Variants in ASTN2 observed in about 807,000 individuals in gnomAD.
ASTN2 encodes the protein astrotactin-2.
Under a neutral mutation model 139.8 loss-of-function variants are expected in ASTN2, and 54 were observed. The ratio of observed to expected loss-of-function variants is 0.39; its 90% CI spans 0.31 to 0.48. The LOEUF is 0.48. Ranked by LOEUF, ASTN2 falls within the 20% of genes least tolerant of loss-of-function variation. The probability of loss-of-function intolerance (pLI) is 0.95; values close to 1 mark genes in which losing one functional copy is unlikely to be tolerated. For synonymous variants in ASTN2, 756 were observed against 719.5 expected (o/e 1.05, Z -0.81); for missense variants, 1,565 against 1,725.1 (o/e 0.91, Z 1.64).
rs139597060 is a variant in ASTN2 at position 116,898,332 on chromosome 9, C to T, written c.1890-34599G>A. 4.4e-3 allele frequency among the ~76,000 whole-genome samples: 657 copies of T among 150,636 alleles called. 17 individuals carry two copies. Among genetic ancestry groups the T allele is most frequent in the Admixed American group, 0.04 (601 of 15,054 alleles). ...GCTAAGATGGGAGGATCACTTTAGCCTTGGAGGTCAACAGCTGCAGTGAGC... is the reference window on the plus strand; with the variant it reads ...GCTAAGATGGGAGGATCACTTTAGCTTTGGAGGTCAACAGCTGCAGTGAGC... On this transcript the variant is annotated intron_variant, in intron 10 of 22. Transcript: ENST00000313400.
intron 10 of ASTN2, among the ~76,000 whole-genome samples, chr9:116,908,693 A>T (rs1015885135): frequency 6.6e-6 from 1 of 152,150 alleles, no homozygotes; most frequent in Non-Finnish European, 1.5e-5. Flanking sequence ...CACATTTGAC[A>T]CTTCCTTTTC....
intron 5 of ASTN2, among the ~76,000 whole-genome samples, chr9:117,048,886 T>C (rs1014268635): frequency 6.6e-6 from 1 of 151,708 alleles, no homozygotes; most frequent in Non-Finnish European, 1.5e-5. Flanking sequence ...ACTATGTTGC[T>C]AGTGTGCAGC....
intron 12 of ASTN2, among the ~76,000 whole-genome samples, chr9:116,813,668 G>A (rs1221497307): frequency 6.6e-6 from 1 of 151,924 alleles, no homozygotes; most frequent in African/African-American, 2.4e-5. Flanking sequence ...AATGGTTTGT[G>A]GAATCAACAG....
At chr9:117,102,607 CT>C (rs1181702808) in intron 4 of ASTN2, among the ~76,000 whole-genome samples, 46 of 152,294 alleles carry the variant, frequency 3.0e-4, no homozygotes, top group African/African-American at 7.5e-4. Context: ...ACTTCAACCT[CT>C]GCCTCCTGGG....
chr9:117,026,045 A>G (rs977199226), intron 6 of ASTN2, among the ~76,000 whole-genome samples: 3 of 151,940 alleles, frequency 2.0e-5, no homozygotes, highest in Non-Finnish European at 4.4e-5. Flanking sequence ...GATTACAGGC[A>G]TGAGCCACCA....
intron 11 of ASTN2, among the ~76,000 whole-genome samples, chr9:116,821,751 C>G (rs190808344): frequency 1.8e-3 from 267 of 152,228 alleles, no homozygotes; most frequent in African/African-American, 6.2e-3. Flanking sequence ...TAAGTAAACT[C>G]CAAGGAGTTC....
intron 7 of ASTN2, among the ~76,000 whole-genome samples, chr9:116,982,810 A>G (rs1273599110): frequency 6.6e-6 from 1 of 152,188 alleles, no homozygotes; most frequent in African/African-American, 2.4e-5. Context: ...AGCAGTTTGA[A>G]TGAGATAATC....
chr9:117,273,033 G>A (rs544617951), intron 2 of ASTN2, among the ~76,000 whole-genome samples: 1 of 151,954 alleles, frequency 6.6e-6, no homozygotes, highest in Non-Finnish European at 1.5e-5. Context: ...TTTTCACATC[G>A]CTGATAAAGA....
intron 6 of ASTN2, among the ~76,000 whole-genome samples, chr9:117,028,376 A>G (rs535431918): frequency 6.6e-6 from 1 of 152,306 alleles, no homozygotes; most frequent in Admixed American, 6.5e-5. Flanking sequence ...TGTGCTGGGG[A>G]GAAAAGCCAA....
chr9:117,043,907 C>CAAAAAAAAAAA, intron 5 of ASTN2, among the ~76,000 whole-genome samples: 1 of 119,344 alleles, frequency 8.4e-6, no homozygotes, highest in Non-Finnish European at 1.7e-5. Flanking sequence ...GACTCTGTCT[C>CAAAAAAAAAAA]AAAAAAAAAA....
intron 19 of ASTN2, chr9:116,562,202 T>C (rs2131665118): frequency 6.6e-6 from 1 of 152,338 alleles, no homozygotes; most frequent in South Asian, 2.1e-4. Flanking sequence ...TAGGAAACTT[T>C]CCTTAATTCC....
chr9:117,117,580 C>T (rs1326680513), intron 4 of ASTN2, among the ~76,000 whole-genome samples: 1 of 152,280 alleles, frequency 6.6e-6, no homozygotes, highest in East Asian at 1.9e-4. Context: ...TAGGAGCTAA[C>T]AAGTGTTGGC....
chr9:117,008,935 G>A (rs1837436395), intron 6 of ASTN2, among the ~76,000 whole-genome samples: 1 of 152,040 alleles, frequency 6.6e-6, no homozygotes. Context: ...AGAAAACGGA[G>A]ACAAAGTGAG....
At chr9:116,814,313 C>T (rs185091435) in intron 12 of ASTN2, among the ~76,000 whole-genome samples, 1 of 152,254 alleles carries the variant, frequency 6.6e-6, no homozygotes, top group East Asian at 1.9e-4. Context: ...CCAACACCCT[C>T]AGGATTGTCC....
chr9:117,246,728 G>C (rs1172683265), intron 2 of ASTN2, among the ~76,000 whole-genome samples: 2 of 152,146 alleles, frequency 1.3e-5, no homozygotes, highest in Non-Finnish European at 2.9e-5. Flanking sequence ...AGCATCTAGG[G>C]GGTACAAGGT....
chr9:117,325,328 C>T (rs1353924909), intron 1 of ASTN2, among the ~76,000 whole-genome samples: 1 of 152,108 alleles, frequency 6.6e-6, no homozygotes, highest in Non-Finnish European at 1.5e-5. Flanking sequence ...AGTTTCTGAC[C>T]CTATAGCCAG....
In ASTN2 at chr9:117,096,133, C is replaced by A. The variant is rs1828835816; in HGVS notation, c.1187G>T (p.Arg396Ile). Residue 396 changes from arginine (R) to isoleucine (I), a missense_variant, in exon 5 of 23, where the codon AGA becomes ATA. Coordinates refer to ENST00000313400, the MANE Select transcript of ASTN2 (RefSeq NM_001365068.1). ...SKSRGGISFG[R>I]AKGTSGSEAD... ...CTCTGAGCCCGACGTCCCCTTGGCT[C>A]TCCCAAAGCTGATTCCTCCTGTGAG... The A allele has an allele frequency of 1.2e-6, 2 of 1,613,902 alleles. No homozygotes were observed. Among genetic ancestry groups the A allele is most frequent in the East Asian group, 4.5e-5 (2 of 44,866 alleles).
intron 4 of ASTN2, among the ~76,000 whole-genome samples, chr9:117,117,758 C>T (rs1829434547): frequency 6.6e-6 from 1 of 152,146 alleles, no homozygotes; most frequent in Admixed American, 6.5e-5. Context: ...TTTTCTTTCC[C>T]TGAGCTAACA....
intron 5 of ASTN2, among the ~76,000 whole-genome samples, chr9:117,084,582 T>C (rs969430083): frequency 1.3e-5 from 2 of 152,254 alleles, no homozygotes; most frequent in Admixed American, 1.3e-4. Flanking sequence ...AGGACAACAA[T>C]TGATTGCTAG....
Sources: gnomAD v4.1 joint callset for allele counts (sites outside exome capture counted in the v4.1 genomes callset) on GRCh38, gnomAD v4.1.1 for gene constraint, MANE v1.5 for transcripts, NCBI Gene and HGNC (gene_info 2026-07-23, HGNC 2026-07-21) for gene names.